NSD2: variants seen among roughly 807,000 people sequenced by gnomAD.
NSD2 encodes histone-lysine N-methyltransferase NSD2.
NSD2 carries 12 observed loss-of-function variants against 139.0 expected under a neutral mutation model. That is an observed-to-expected ratio of 0.09 (90% CI 0.06 to 0.14). NSD2 has a LOEUF of 0.14. NSD2 is among the 10% of genes least tolerant of loss of function. NSD2 has a pLI of 1.00. For missense variants in NSD2, 1,155 were observed against 1,745.0 expected (o/e 0.66, Z 6.02); for synonymous variants, 669 against 648.7 (o/e 1.03, Z -0.48).
intron 18 of NSD2, among the ~76,000 whole-genome samples, chr4:1,969,073 C>T (rs1726171119): frequency 6.6e-6 from 1 of 152,194 alleles, no homozygotes; most frequent in African/African-American, 2.4e-5. Context: ...ACAGGGGGTG[C>T]AGAGACACGG....
intron 1 of NSD2, among the ~76,000 whole-genome samples, chr4:1,873,169 G>A (rs1446098584): frequency 6.6e-6 from 1 of 152,156 alleles, no homozygotes; most frequent in Non-Finnish European, 1.5e-5. Flanking sequence ...GCTGATGGTT[G>A]GTAGAGTGAG....
intron 18 of NSD2, among the ~76,000 whole-genome samples, chr4:1,964,521 G>C (rs768143940): frequency 2.6e-5 from 4 of 152,206 alleles, no homozygotes; most frequent in Non-Finnish European, 5.9e-5. Context: ...CACAGCTTGA[G>C]GGGTTCAGGG....
chr4:1,959,851 GAAA>G, intron 17 of NSD2, 111 bp downstream of exon 17: 6 of 1,446,828 alleles, frequency 4.1e-6, no homozygotes, highest in Non-Finnish European at 5.6e-6. Context: ...GTATTTTTTG[GAAA>G]AAAAATTTTT....
chr4:1,938,039 G>C (rs568424327), intron 7 of NSD2, among the ~76,000 whole-genome samples: 1 of 152,284 alleles, frequency 6.6e-6, no homozygotes, highest in South Asian at 2.1e-4. Flanking sequence ...TTGAATGGAA[G>C]GATCCATTTT....
intron 6 of NSD2, among the ~76,000 whole-genome samples, chr4:1,934,910 A>ATATATATATAT (rs59927644): frequency 3.3e-4 from 35 of 106,318 alleles, no homozygotes; most frequent in African/African-American, 1.2e-3. Context: ...TATATATATA[A>ATATATATATAT]AAAACAGATA....
At chr4:1,943,192 T>C in intron 9 of NSD2, 2 of 1,041,260 alleles carry the variant, frequency 1.9e-6, no homozygotes, top group Non-Finnish European at 2.3e-6. Context: ...GGAAAAGGCT[T>C]ACTTGCCCTT....
At chr4:1,978,126 C>CA (rs112748858) in intron 21 of NSD2, among the ~76,000 whole-genome samples, 6,843 of 146,684 alleles carry the variant, frequency 0.047, 441 homozygotes, top group African/African-American at 0.15. Context: ...GACTCCATCT[C>CA]AAAAAAAAAA....
At chr4:1,918,687 A>G (rs892193226) in intron 5 of NSD2, 64 bp downstream of exon 5, 6 of 1,576,190 alleles carry the variant, frequency 3.8e-6, no homozygotes, top group South Asian at 1.2e-5. Context: ...CCTTCAGTGC[A>G]GAATCATCTG....
intron 18 of NSD2, among the ~76,000 whole-genome samples, chr4:1,967,604 C>T (rs1052784908): frequency 6.6e-6 from 1 of 151,798 alleles, no homozygotes; most frequent in African/African-American, 2.4e-5. Context: ...ATATTTCCAA[C>T]TTAACAGTGG....
intron 9 of NSD2, chr4:1,944,684 A>C: frequency 9.4e-7 from 1 of 1,064,294 alleles, no homozygotes; most frequent in Non-Finnish European, 1.1e-6. Context: ...TATTGGCAAT[A>C]GAGGTCCTGA....
chr4:1,874,666 G>A (rs922934885), intron 1 of NSD2, among the ~76,000 whole-genome samples: 12 of 152,140 alleles, frequency 7.9e-5, no homozygotes, highest in Non-Finnish European at 1.8e-4. Flanking sequence ...CTGAAACATT[G>A]CAAGTATATA....
intron 7 of NSD2, 83 bp downstream of exon 7, chr4:1,935,345 C>T (rs1722267962): frequency 9.6e-7 from 1 of 1,038,922 alleles, no homozygotes; most frequent in Middle Eastern, 2.5e-4. Flanking sequence ...CATGGGAGCA[C>T]ACATGAGATG....
In NSD2 at chr4:1,940,670, G is replaced by A. The variant is rs572485032; in HGVS notation, c.1881+892G>A. The A allele has an allele frequency of 3.8e-5, 40 of 1,061,584 alleles. No homozygotes were observed. In the South Asian group the frequency reaches 1.5e-3, roughly 41 times the overall value. 65.8% of individuals were successfully genotyped at this position (1,061,584 alleles called of 1,614,324 possible). ...GTTTATGAGGAGATGATAACTGGGGGCCCTTTTGGAACAGGGTAGTGAGGC... is the reference window on the plus strand; with the variant it reads ...GTTTATGAGGAGATGATAACTGGGGACCCTTTTGGAACAGGGTAGTGAGGC... On this transcript the variant is annotated intron_variant, in intron 9 of 21. Transcript: ENST00000508803.
intron 1 of NSD2, among the ~76,000 whole-genome samples, chr4:1,876,041 C>T (rs1243282850): frequency 1.3e-5 from 2 of 150,918 alleles, no homozygotes; most frequent in Admixed American, 6.6e-5. Flanking sequence ...TGGTGAAACC[C>T]TGTCTCTACT....
chr4:1,940,100 A>T, intron 9 of NSD2: 1 of 1,184,064 alleles, frequency 8.4e-7, no homozygotes, highest in African/African-American at 1.5e-5. Flanking sequence ...ACACTGTAAG[A>T]GTTCACATGG....
At chr4:1,892,758 C>T (rs1339029762) in intron 1 of NSD2, 4 of 151,724 alleles carry the variant, frequency 2.6e-5, no homozygotes, top group African/African-American at 7.3e-5. Flanking sequence ...TTAGTAGGGA[C>T]GGGTTTCACC....
At chr4:1,888,791 C>G (rs1490040425) in intron 1 of NSD2, among the ~76,000 whole-genome samples, 1 of 152,042 alleles carries the variant, frequency 6.6e-6, no homozygotes, top group African/African-American at 2.4e-5. Context: ...GTCTCAAACT[C>G]CTGGCCTCAA....
intron 1 of NSD2, among the ~76,000 whole-genome samples, chr4:1,889,810 CT>C (rs574016629): frequency 2.1e-3 from 303 of 145,256 alleles, no homozygotes; most frequent in Middle Eastern, 7.3e-3. Flanking sequence ...CCCAGCCGAC[CT>C]TTTTTTTTTT....
intron 1 of NSD2, among the ~76,000 whole-genome samples, chr4:1,871,799 G>T (rs1713789713): frequency 6.7e-6 from 1 of 149,466 alleles, no homozygotes; most frequent in African/African-American, 2.4e-5. Context: ...GGGAGGACCG[G>T]GCGGACCGCG....
Sources: allele counts gnomAD v4.1 joint callset (sites outside exome capture counted in the v4.1 genomes callset), GRCh38; gene constraint gnomAD v4.1.1; transcripts MANE v1.5; gene names NCBI Gene and HGNC (gene_info 2026-07-23, HGNC 2026-07-21).